SGCD: variants seen among roughly 807,000 people sequenced by gnomAD.
The protein encoded by SGCD is delta-sarcoglycan.
SGCD carries 18 observed loss-of-function variants against 36.6 expected under a neutral mutation model. That is an observed-to-expected ratio of 0.49 (90% CI 0.34 to 0.73). The LOEUF (loss-of-function observed/expected upper bound fraction) is 0.73, where lower values mean the gene tolerates loss of function less well. Ranked by LOEUF, SGCD falls within the 30% of genes least tolerant of loss-of-function variation. The probability of loss-of-function intolerance (pLI) is 0.01; values close to 1 mark genes in which losing one functional copy is unlikely to be tolerated. For missense variants in SGCD, 387 were observed against 346.7 expected, an observed-to-expected ratio of 1.12 and a Z score of -0.92; for synonymous variants, 133 against 130.6, an observed-to-expected ratio of 1.02 and a Z score of -0.12.
chr5:156,235,966 A>C (rs1308042563), intron 3 of SGCD, among the ~76,000 whole-genome samples: 1 of 152,220 alleles, frequency 6.6e-6, no homozygotes, highest in Non-Finnish European at 1.5e-5. Flanking sequence ...AATATATTGT[A>C]GTTCATGGGA....
intron 1 of SGCD, among the ~76,000 whole-genome samples, chr5:156,093,979 G>T (rs1761314006): frequency 6.6e-6 from 1 of 152,194 alleles, no homozygotes. Flanking sequence ...ATTTGCCTAA[G>T]TGGGAATTGC....
chr5:156,530,884 C>G (rs1757860737), intron 4 of SGCD, among the ~76,000 whole-genome samples: 1 of 152,134 alleles, frequency 6.6e-6, no homozygotes, highest in South Asian at 2.1e-4. Context: ...GGCCGCCATG[C>G]TTTATTTCTA....
At chr5:155,841,245 C>G in the SGCD span, among the ~76,000 whole-genome samples, 34 of 152,018 alleles carry the variant, frequency 2.2e-4, no homozygotes, top group East Asian at 5.6e-3. Context: ...GAATGAAGAC[C>G]CAAAGGTACA....
the SGCD span, among the ~76,000 whole-genome samples, chr5:155,733,140 G>A: frequency 2.0e-5 from 3 of 151,708 alleles, no homozygotes; most frequent in Non-Finnish European, 4.4e-5. Context: ...CATGAGCCAG[G>A]GCCAATGTGT....
rs200454748 is a variant in SGCD at position 156,649,324 on chromosome 5, C to G, written c.575+1788C>G. On this transcript the variant is annotated intron_variant, in intron 7 of 8. Transcript: ENST00000337851. ...GTGGCGATTCCTCAGGGATCTAGAA[C>G]TGGAAATACCATTTGACCCAGCCAT... 4.1e-4 allele frequency among the ~76,000 whole-genome samples: 63 copies of G among 152,018 alleles called. No homozygotes were observed. In the East Asian group the frequency reaches 0.011, roughly 27 times the overall value.
chr5:155,782,828 G>C, the SGCD span, among the ~76,000 whole-genome samples: 1 of 152,164 alleles, frequency 6.6e-6, no homozygotes, highest in East Asian at 1.9e-4. Flanking sequence ...CTGATGATCT[G>C]AGGTGGAACA....
intron 3 of SGCD, among the ~76,000 whole-genome samples, chr5:156,224,551 AAGTTTACGAAATGGC>A (rs1764800294): frequency 6.6e-6 from 1 of 152,148 alleles, no homozygotes; most frequent in Non-Finnish European, 1.5e-5. Flanking sequence ...GCTGCATTTT[AAGTTTACGAAATGGC>A]AGTTTTATAA....
chr5:155,947,811 TCAG>T (rs1757469150), intron 1 of SGCD, among the ~76,000 whole-genome samples: 1 of 152,064 alleles, frequency 6.6e-6, no homozygotes, highest in Admixed American at 6.6e-5. Flanking sequence ...ATTTAGTGAC[TCAG>T]CAGAAGAGAT....
chr5:155,781,133 G>T, the SGCD span, among the ~76,000 whole-genome samples: 1 of 152,184 alleles, frequency 6.6e-6, no homozygotes, highest in African/African-American at 2.4e-5. Context: ...CCTGATCTTT[G>T]TAGAGAAGTC....
At chr5:156,214,954 T>G (rs377252999) in intron 3 of SGCD, among the ~76,000 whole-genome samples, 28 of 152,134 alleles carry the variant, frequency 1.8e-4, no homozygotes, top group Middle Eastern at 6.8e-3. Context: ...AATCAAAATG[T>G]ATTAAAGTCT....
chr5:156,232,360 G>A (rs1765040741), intron 3 of SGCD, among the ~76,000 whole-genome samples: 1 of 152,126 alleles, frequency 6.6e-6, no homozygotes, highest in African/African-American at 2.4e-5. Flanking sequence ...TCACCCTCAG[G>A]TAGTTCTAAC....
At chr5:156,295,875 A>G (rs77097009) in intron 3 of SGCD, among the ~76,000 whole-genome samples, 3,247 of 152,312 alleles carry the variant, frequency 0.021, 106 homozygotes, top group African/African-American at 0.063. Flanking sequence ...CAACCAGTAG[A>G]AGCAACTCAA....
At chr5:156,650,843 T>C (rs1433618328) in intron 7 of SGCD, among the ~76,000 whole-genome samples, 1 of 152,170 alleles carries the variant, frequency 6.6e-6, no homozygotes, top group East Asian at 1.9e-4. Flanking sequence ...TTTGGGTATA[T>C]ACCCAGTAAT....
At chr5:156,180,305 A>G (rs1028270224) in intron 3 of SGCD, among the ~76,000 whole-genome samples, 40 of 152,216 alleles carry the variant, frequency 2.6e-4, no homozygotes, top group African/African-American at 7.7e-4. Flanking sequence ...AAGATAGGGA[A>G]TGAGATAAAG....
chr5:155,916,057 G>A (rs756522656), intron 1 of SGCD, among the ~76,000 whole-genome samples: 1 of 152,158 alleles, frequency 6.6e-6, no homozygotes, highest in Non-Finnish European at 1.5e-5. Context: ...AGCCCCCGGA[G>A]GCCATATGTT....
chr5:156,672,083 G>A (rs1295831085), intron 7 of SGCD, among the ~76,000 whole-genome samples: 1 of 152,100 alleles, frequency 6.6e-6, no homozygotes, highest in Non-Finnish European at 1.5e-5. Context: ...ATTTGAAAAG[G>A]ATAAATATCC....
chr5:155,796,382 T>A, the SGCD span, among the ~76,000 whole-genome samples: 2,005 of 152,218 alleles, frequency 0.013, 58 homozygotes, highest in African/African-American at 0.045. Context: ...ACATTGGTAA[T>A]GTAAAATCTT....
intron 7 of SGCD, among the ~76,000 whole-genome samples, chr5:156,747,148 A>ATAAAG (rs1756974192): frequency 6.6e-6 from 1 of 152,216 alleles, no homozygotes; most frequent in Admixed American, 6.5e-5. Flanking sequence ...GAAAATCATA[A>ATAAAG]TAAAGTACTA....
intron 3 of SGCD, among the ~76,000 whole-genome samples, chr5:156,502,590 C>T (rs912809844): frequency 1.3e-5 from 2 of 152,186 alleles, no homozygotes; most frequent in African/African-American, 4.8e-5. Context: ...CTGCCTCAGC[C>T]TCTCAAAGTG....
Sources: gnomAD v4.1 joint callset for allele counts (sites outside exome capture counted in the v4.1 genomes callset) on GRCh38, gnomAD v4.1.1 for gene constraint, MANE v1.5 for transcripts, NCBI Gene and HGNC (gene_info 2026-07-23, HGNC 2026-07-21) for gene names.